Variants in DOCK8 observed in about 807,000 individuals in gnomAD.
DOCK8 encodes dedicator of cytokinesis protein 8.
A neutral mutation model predicts 245.6 loss-of-function variants in DOCK8; 141 were observed. The ratio of observed to expected loss-of-function variants is 0.57; its 90% CI spans 0.50 to 0.66. The LOEUF (loss-of-function observed/expected upper bound fraction) is 0.66, where lower values mean the gene tolerates loss of function less well. Ranked by LOEUF, DOCK8 falls within the 30% of genes least tolerant of loss-of-function variation. The probability of loss-of-function intolerance (pLI) is 0.00; values close to 1 mark genes in which losing one functional copy is unlikely to be tolerated. For missense variants in DOCK8, 2,965 were observed against 2,603.4 expected (o/e 1.14, Z -3.02); for synonymous variants, 1,168 against 970.2 (o/e 1.20, Z -3.79).
chr9:461,790 C>T (rs140471700), intron 46 of DOCK8, among the ~76,000 whole-genome samples: 1 of 152,082 alleles, frequency 6.6e-6, no homozygotes, highest in African/African-American at 2.4e-5. Flanking sequence ...AATCCACCCA[C>T]CTTAGCTTCC....
intron 5 of DOCK8, among the ~76,000 whole-genome samples, chr9:308,069 GA>G (rs1563904505): frequency 6.6e-6 from 1 of 152,212 alleles, no homozygotes; most frequent in Non-Finnish European, 1.5e-5. Flanking sequence ...ATGGAGAAGG[GA>G]ATAGAGAGGT....
intron 43 of DOCK8, among the ~76,000 whole-genome samples, chr9:443,873 A>T (rs1419250586): frequency 1.3e-5 from 2 of 152,204 alleles, no homozygotes; most frequent in African/African-American, 4.8e-5. Flanking sequence ...TTTCAAGGTC[A>T]TGCAAGCAGC....
intron 14 of DOCK8, among the ~76,000 whole-genome samples, chr9:364,889 G>T (rs2052904917): frequency 6.6e-6 from 1 of 152,134 alleles, no homozygotes; most frequent in Non-Finnish European, 1.5e-5. Context: ...AAGTGGAATG[G>T]ACCAATCAAA....
chr9:451,945 G>GTATATACATA (rs1564085224), intron 45 of DOCK8, 66 bp from the exon 46 acceptor site: 1 of 267,152 alleles, frequency 3.7e-6, no homozygotes, highest in South Asian at 5.0e-5. Context: ...ATATATATAT[G>GTATATACATA]TGTGTGTGTG....
At chr9:239,401 T>C (rs2047331930) in intron 1 of DOCK8, among the ~76,000 whole-genome samples, 1 of 152,218 alleles carries the variant, frequency 6.6e-6, no homozygotes, top group Non-Finnish European at 1.5e-5. Flanking sequence ...CTGAGAGTTA[T>C]AAGAGACTAC....
chr9:423,447 C>G (rs2056359878), intron 33 of DOCK8, among the ~76,000 whole-genome samples: 1 of 152,222 alleles, frequency 6.6e-6, no homozygotes, highest in East Asian at 1.9e-4. Context: ...GTAGGATACC[C>G]CATGGGTGAT....
intron 4 of DOCK8, among the ~76,000 whole-genome samples, chr9:291,554 G>C (rs1431477680): frequency 6.6e-6 from 1 of 152,022 alleles, no homozygotes; most frequent in Non-Finnish European, 1.5e-5. Context: ...TCAATACAAT[G>C]ATTGATGATT....
chr9:354,737 C>T (rs915054101), intron 14 of DOCK8, among the ~76,000 whole-genome samples: 1 of 152,166 alleles, frequency 6.6e-6, no homozygotes, highest in Non-Finnish European at 1.5e-5. Flanking sequence ...AAGCCAGAGG[C>T]TTCCTTAAGT....
At chr9:421,554 C>T (rs950353698) in intron 32 of DOCK8, among the ~76,000 whole-genome samples, 1 of 152,148 alleles carries the variant, frequency 6.6e-6, no homozygotes, top group African/African-American at 2.4e-5. Flanking sequence ...TCAAGGATTC[C>T]ACCACAGGAG....
At chr9:461,318 A>G (rs889668131) in intron 46 of DOCK8, among the ~76,000 whole-genome samples, 1 of 151,756 alleles carries the variant, frequency 6.6e-6, no homozygotes, top group African/African-American at 2.4e-5. Context: ...TCTCCCTCTC[A>G]TTTTCCATTC....
At chr9:355,361 G>A (rs556206034) in intron 14 of DOCK8, among the ~76,000 whole-genome samples, 9 of 151,908 alleles carry the variant, frequency 5.9e-5, no homozygotes, top group South Asian at 2.1e-4. Flanking sequence ...GTGCCACCAC[G>A]CCCAGCTTAT....
chr9:313,097 C>T (rs576191756), intron 6 of DOCK8, among the ~76,000 whole-genome samples: 6 of 152,256 alleles, frequency 3.9e-5, no homozygotes, highest in African/African-American at 1.2e-4. Context: ...AGTGAGCTCA[C>T]GACTGGTCAG....
At chr9:428,237 C>T (rs1253722977) in intron 34 of DOCK8, 125 bp from the exon 35 acceptor site, 2 of 1,465,576 alleles carry the variant, frequency 1.4e-6, no homozygotes, top group African/African-American at 2.8e-5. Context: ...CCCATGGTGG[C>T]TCACCAAACT....
intron 2 of DOCK8, among the ~76,000 whole-genome samples, chr9:275,216 C>T (rs13293251): frequency 0.4 from 60,167 of 152,084 alleles, 12,419 homozygotes; most frequent in African/African-American, 0.47. Context: ...TGCTCTCTTA[C>T]GATTTGGCAC....
intron 26 of DOCK8, among the ~76,000 whole-genome samples, chr9:403,090 A>C (rs988506745): frequency 1.3e-5 from 2 of 152,010 alleles, no homozygotes; most frequent in Non-Finnish European, 2.9e-5. Context: ...GGGTTTCACC[A>C]TGTTGGCCAG....
At chr9:442,836 G>A (rs2057135830) in intron 42 of DOCK8, among the ~76,000 whole-genome samples, 1 of 151,174 alleles carries the variant, frequency 6.6e-6, no homozygotes, top group Non-Finnish European at 1.5e-5. Flanking sequence ...TCCTATGAGT[G>A]TAAAACTTAA....
At chr9:311,820 T>C (rs1389327024) in intron 5 of DOCK8, 134 bp from the exon 6 acceptor site, 13 of 1,085,270 alleles carry the variant, frequency 1.2e-5, no homozygotes, top group Non-Finnish European at 1.4e-6. Flanking sequence ...AATCCGCAGT[T>C]TCTTCAGAAG....
intron 40 of DOCK8, among the ~76,000 whole-genome samples, chr9:439,593 A>C (rs2057021096): frequency 6.6e-6 from 1 of 152,176 alleles, no homozygotes; most frequent in Non-Finnish European, 1.5e-5. Flanking sequence ...ATAACCTTTC[A>C]TCACAGTGCC....
At chr9:266,241 G>A (rs549572146) in intron 1 of DOCK8, among the ~76,000 whole-genome samples, 3 of 152,182 alleles carry the variant, frequency 2.0e-5, no homozygotes, top group African/African-American at 7.2e-5. Flanking sequence ...TCCTGTAATA[G>A]AATACTTACC....
Sources: allele counts gnomAD v4.1 joint callset (sites outside exome capture counted in the v4.1 genomes callset), GRCh38; gene constraint gnomAD v4.1.1; transcripts MANE v1.5; gene names NCBI Gene and HGNC (gene_info 2026-07-23, HGNC 2026-07-21).